DNAI2: variants seen among roughly 807,000 people sequenced by gnomAD.
The protein encoded by DNAI2 is dynein axonemal intermediate chain 2.
DNAI2 carries 63 observed loss-of-function variants against 74.7 expected under a neutral mutation model. The observed-to-expected ratio is 0.84, with a 90% CI of 0.69 to 1.04. The LOEUF (loss-of-function observed/expected upper bound fraction) is 1.04, where lower values mean the gene tolerates loss of function less well. DNAI2 is among the 50% of genes least tolerant of loss of function. The pLI is 0.00. For synonymous variants in DNAI2, 289 were observed against 314.9 expected (o/e 0.92, Z 0.87); for missense variants, 688 against 803.2 (o/e 0.86, Z 1.73).
intron 6 of DNAI2, among the ~76,000 whole-genome samples, chr17:74,292,260 T>C (rs11652975): frequency 0.52 from 78,978 of 152,104 alleles, 22,522 homozygotes; most frequent in Non-Finnish European, 0.67. Flanking sequence ...CAATTCAGTC[T>C]GTTTATTTGT....
At chr17:74,280,853 G>A (rs1310303785) in intron 1 of DNAI2, among the ~76,000 whole-genome samples, 2 of 152,090 alleles carry the variant, frequency 1.3e-5, no homozygotes, top group Non-Finnish European at 2.9e-5. Context: ...TTGGGAGGCT[G>A]AGGCAGGTGG....
intron 1 of DNAI2, among the ~76,000 whole-genome samples, chr17:74,277,522 C>G (rs191863490): frequency 6.6e-6 from 1 of 152,192 alleles, no homozygotes; most frequent in African/African-American, 2.4e-5. Context: ...TATATGGATG[C>G]AAAGGGTTAA....
chr17:74,293,101 G>A (rs2052227033), intron 6 of DNAI2, among the ~76,000 whole-genome samples: 1 of 152,138 alleles, frequency 6.6e-6, no homozygotes, highest in South Asian at 2.1e-4. Context: ...CCAAAGTGCT[G>A]GGATAACAGG....
chr17:74,288,284 A>G (rs541702121), intron 4 of DNAI2, among the ~76,000 whole-genome samples: 4 of 152,338 alleles, frequency 2.6e-5, no homozygotes, highest in Admixed American at 6.5e-5. Context: ...ATAGGCTAAT[A>G]TAAGTGTTCT....
chr17:74,281,856 G>A lies in DNAI2; in HGVS notation c.39G>A (p.Glu13=), dbSNP rs533814143. ...ACGTGTACGTCAAGAAGCGCAGCGA[G>A]TTCGGGAAGCAGTGCAATTTCTCGG... ...IVYVYVKKRS[E]FGKQCNFSDR... Residue 13 remains glutamate (E), a synonymous_variant, in exon 2 of 14, where the codon GAG becomes GAA. Transcript: ENST00000311014. 53 of 1,614,142 alleles carry A rather than the reference G, an allele frequency of 3.3e-5. 1 individual carries two copies. The South Asian group carries it at 5.7e-4, about 17-fold the overall frequency.
At chr17:74,299,914 C>A in intron 7 of DNAI2, 57 bp downstream of exon 7, 1 of 1,608,848 alleles carries the variant, frequency 6.2e-7, no homozygotes, top group South Asian at 1.1e-5. Context: ...TAACTGTTCC[C>A]TGGTTCCCCA....
Position 74,307,280 on chromosome 17 carries a change from G to C in DNAI2, c.1211+1838G>C, listed in dbSNP as rs545950207. On this transcript the variant is annotated intron_variant, in intron 9 of 13. Transcript: ENST00000311014. Reference sequence around the variant, plus strand: ...CACCCATAGGCCTTTCGCAGGGCTGGTTCCTAGAGGGACTTGGTGGACCTG... The same window carrying C: ...CACCCATAGGCCTTTCGCAGGGCTGCTTCCTAGAGGGACTTGGTGGACCTG... 689 of 456,288 alleles carry C rather than the reference G, an allele frequency of 1.5e-3. 2 individuals are homozygous for C. Among genetic ancestry groups the C allele is most frequent in the Non-Finnish European group, 2.5e-3 (569 of 226,950 alleles). 28.3% of individuals were successfully genotyped at this position (456,288 alleles called of 1,614,324 possible).
chr17:74,301,256 C>T (rs548990416), intron 8 of DNAI2, 88 bp downstream of exon 8: 18 of 1,587,180 alleles, frequency 1.1e-5, no homozygotes, highest in Admixed American at 1.0e-4. Context: ...ATCAGGTGCT[C>T]GTGGAACCCA....
At chr17:74,296,374 A>G (rs2052444104) in intron 6 of DNAI2, among the ~76,000 whole-genome samples, 2 of 102,212 alleles carry the variant, frequency 2.0e-5, no homozygotes, top group Admixed American at 9.7e-5. Context: ...GGAAGGAGGG[A>G]GGGAGGGAGA....
chr17:74,311,936 C>G, intron 11 of DNAI2, 67 bp from the exon 12 acceptor site: 1 of 1,506,202 alleles, frequency 6.6e-7, no homozygotes, highest in Non-Finnish European at 9.1e-7. Context: ...CCACCTGGCC[C>G]CAGCACTGGA....
chr17:74,288,215 A>G (rs1038906504), intron 4 of DNAI2, among the ~76,000 whole-genome samples: 46 of 152,226 alleles, frequency 3.0e-4, no homozygotes, highest in Middle Eastern at 3.2e-3. Flanking sequence ...AGAAAATTAC[A>G]TGAGCTGTTC....
At position 74,281,941 on chromosome 17, in the gene DNAI2, G is replaced by A. The variant is rs151176313; in HGVS notation, c.124G>A (p.Val42Met). Residue 42 changes from valine (V) to methionine (M), a missense_variant, in exon 2 of 14, where the codon GTG becomes ATG. Val to Met is a conservative substitution (Grantham distance 21, BLOSUM62 1). Coordinates refer to ENST00000311014, the MANE Select transcript of DNAI2 (RefSeq NM_023036.6). ...CAACCCTGAGCTGGCCGAGCAGTTCGTGGAGCGGAACCCAGTGGACACGGG... is the reference window on the plus strand; with the variant it reads ...CAACCCTGAGCTGGCCGAGCAGTTCATGGAGCGGAACCCAGTGGACACGGG... ...MPNPELAEQF[V>M]ERNPVDTGIQ... 9.5e-4 allele frequency: 1,531 copies of A among 1,614,168 alleles called. 10 individuals carry two copies. The African/African-American group carries it at 0.012, about 12-fold the overall frequency.
intron 8 of DNAI2, among the ~76,000 whole-genome samples, 169 bp from the exon 9 acceptor site, chr17:74,305,050 C>G (rs757220715): frequency 6.6e-6 from 1 of 152,106 alleles, no homozygotes; most frequent in Non-Finnish European, 1.5e-5. Flanking sequence ...CTGAGGAGCC[C>G]GGGAAGAGTG....
chr17:74,299,409 C>T (rs2052627286), intron 6 of DNAI2, among the ~76,000 whole-genome samples: 1 of 152,124 alleles, frequency 6.6e-6, no homozygotes, highest in South Asian at 2.1e-4. Context: ...CTTCCCTGAC[C>T]ACCCTCATGT....
chr17:74,289,748 C>T lies in DNAI2; in HGVS notation c.610+12C>T, dbSNP rs374447879. ...CATCTGGGACCTGGGTGAGAAGCAG[C>T]GGGGTCCTGGTGGCCTGGGAGGGCT... On this transcript the variant is annotated intron_variant, in intron 5 of 13. Coordinates refer to ENST00000311014, the MANE Select transcript of DNAI2 (RefSeq NM_023036.6). The T allele has an allele frequency of 5.0e-5, 81 of 1,613,468 alleles. No individual in the cohort carries two copies. The highest frequency in any genetic ancestry group is 6.6e-5 in the Non-Finnish European group (78 of 1,179,902).
intron 4 of DNAI2, among the ~76,000 whole-genome samples, chr17:74,287,978 A>G (rs35013359): frequency 0.21 from 31,654 of 151,248 alleles, 3,539 homozygotes; most frequent in Non-Finnish European, 0.24. Flanking sequence ...AAGCAGTGCA[A>G]CTTCTTATGT....
At chr17:74,278,544 A>G (rs895744924) in intron 1 of DNAI2, among the ~76,000 whole-genome samples, 1 of 152,236 alleles carries the variant, frequency 6.6e-6, no homozygotes, top group East Asian at 1.9e-4. Flanking sequence ...CAGTCTTTAC[A>G]TATTCTGGAT....
chr17:74,300,128 A>G lies in DNAI2; in HGVS notation c.864+271A>G, dbSNP rs2052677673. On this transcript the variant is annotated intron_variant, in intron 7 of 13. Coordinates refer to ENST00000311014, the MANE Select transcript of DNAI2 (RefSeq NM_023036.6). The surrounding 1 kb of genome is among the most constrained non-coding windows in gnomAD (Gnocchi z 4.5). ...TATGCCTGGTTAATTTTTTATTTTTAGTAGAGATGGTGCTTCACTATGTTG... is the reference window on the plus strand; with the variant it reads ...TATGCCTGGTTAATTTTTTATTTTTGGTAGAGATGGTGCTTCACTATGTTG... Among the ~76,000 whole-genome samples, 1 of 152,134 alleles carries G rather than the reference A, an allele frequency of 6.6e-6. No homozygotes were observed. Among genetic ancestry groups the G allele is most frequent in the South Asian group, 2.1e-4 (1 of 4,830 alleles).
At chr17:74,305,042 G>A (rs2053098570) in intron 8 of DNAI2, among the ~76,000 whole-genome samples, 177 bp from the exon 9 acceptor site, 2 of 152,190 alleles carry the variant, frequency 1.3e-5, no homozygotes, top group Admixed American at 6.5e-5. Context: ...GATGGGGTCT[G>A]AGGAGCCCGG....
Sources: allele counts gnomAD v4.1 joint callset (sites outside exome capture counted in the v4.1 genomes callset), GRCh38; gene constraint gnomAD v4.1.1; non-coding constraint Gnocchi (gnomAD v3.1); transcripts MANE v1.5; gene names NCBI Gene and HGNC (gene_info 2026-07-23, HGNC 2026-07-21).